The following DVL1 variants were observed in gnomAD, a reference collection of about 807,000 sequenced individuals.
DVL1 encodes the protein segment polarity protein dishevelled homolog DVL-1.
DVL1 carries 49 observed loss-of-function variants against 65.0 expected under a neutral mutation model. The observed-to-expected ratio is 0.75, with a 90% CI of 0.60 to 0.96. DVL1 has a LOEUF of 0.96. Among genes scored for constraint, DVL1 ranks in the 40% least tolerant of loss-of-function variants. The probability of loss-of-function intolerance (pLI) is 0.00; values close to 1 mark genes in which losing one functional copy is unlikely to be tolerated. For missense variants in DVL1, 1,197 were observed against 1,045.4 expected, an observed-to-expected ratio of 1.15 and a Z score of -2.00; for synonymous variants, 608 against 433.9, an observed-to-expected ratio of 1.40 and a Z score of -4.99.
At chr1:1,336,583 C>A in intron 14 of DVL1, 68 bp from the exon 15 acceptor site, 3 of 1,462,902 alleles carry the variant, frequency 2.1e-6, no homozygotes, top group Non-Finnish European at 2.7e-6. Flanking sequence ...AGAACAACCG[C>A]CCCCGCCAGG....
At position 1,338,416 on chromosome 1, in the gene DVL1, G is replaced by GC; in HGVS notation, c.1359dup (p.Leu454AlafsTer106). ...TTGAAGCCCTCCACGTGTGTGTACA[G>GC]CCAGTCCACCACGTCCGCCCCTGGC... On this transcript the variant is annotated frameshift_variant, in exon 13 of 15. Transcript: ENST00000378888. LOFTEE classifies it high-confidence loss of function. 1 of 1,611,998 alleles carries GC rather than the reference G, an allele frequency of 6.2e-7. No individual in the cohort carries two copies. Among genetic ancestry groups the GC allele is most frequent in the Non-Finnish European group, 8.5e-7 (1 of 1,179,402 alleles).
In DVL1 at chr1:1,341,605, T is replaced by C. The variant is rs1051056095; in HGVS notation, c.605+62A>G. The C allele has an allele frequency of 1.3e-5, 18 of 1,402,572 alleles. No homozygotes were observed. In the African/African-American group the frequency reaches 2.6e-4, roughly 21 times the overall value. 86.9% of individuals were successfully genotyped at this position (1,402,572 alleles called of 1,614,324 possible). On this transcript the variant is annotated intron_variant, in intron 5 of 14. Transcript: ENST00000378888. ...AACACCTCATGCAGACACATGCACA[T>C]CATGTACAGACATTTGCAAGTGGGC...
intron 2 of DVL1, 33 bp downstream of exon 2, chr1:1,342,656 G>A (rs768171989): frequency 5.6e-6 from 9 of 1,610,482 alleles, no homozygotes; most frequent in Middle Eastern, 1.7e-4. Flanking sequence ...TGCTCCCCAG[G>A]CGAGCCTTCG....
chr1:1,349,205 C>G lies in DVL1; in HGVS notation c.-140G>C. On this transcript the variant is annotated 5_prime_UTR_variant, in exon 1 of 15. Coordinates refer to ENST00000378888, the MANE Select transcript of DVL1 (RefSeq NM_001330311.2). This position sits in a 1 kb window ranked among gnomAD's most constrained non-coding sequence, Gnocchi z 4.1. ...ACGCTCCGAGGCCCCCGGGCGCCCC[C>G]GCCCGACCGCCCAGGCCCCGGCCGC... 2.6e-6 allele frequency: 1 copy of G among 381,966 alleles called. No homozygotes were observed. Among genetic ancestry groups the G allele is most frequent in the Non-Finnish European group, 3.6e-6 (1 of 281,644 alleles). The allele number at this position is 381,966 out of a possible 1,614,324, so 23.7% of individuals were successfully genotyped here. A position where few individuals can be genotyped will look rare whatever the true frequency, so the allele number is the denominator to read the frequency against.
intron 5 of DVL1, among the ~76,000 whole-genome samples, chr1:1,340,747 C>A (rs1396451785): frequency 7.4e-6 from 1 of 134,340 alleles, no homozygotes; most frequent in Non-Finnish European, 1.5e-5. Flanking sequence ...GACACACCTG[C>A]ACACATGCAC....
chr1:1,348,660 G>A (rs1423229234), intron 1 of DVL1, among the ~76,000 whole-genome samples: 3 of 152,164 alleles, frequency 2.0e-5, no homozygotes, highest in Non-Finnish European at 4.4e-5. Context: ...CTCGGGGCCG[G>A]GAAGCTGGGG....
At chr1:1,341,972 G>A in intron 4 of DVL1, 81 bp downstream of exon 4, 1 of 1,462,600 alleles carries the variant, frequency 6.8e-7, no homozygotes, top group East Asian at 2.5e-5. Flanking sequence ...TGGGGGACAG[G>A]AACTGCTGTA....
At chr1:1,337,945 C>T in intron 14 of DVL1, 32 bp downstream of exon 14, 2 of 1,580,902 alleles carry the variant, frequency 1.3e-6, no homozygotes, top group South Asian at 2.2e-5. Flanking sequence ...GGGGCGGAGC[C>T]GGGGAAGGGC....
In DVL1 at chr1:1,336,367, G is replaced by T. The variant is rs368143616; in HGVS notation, c.1863C>A (p.Ala621=). 1.9e-5 allele frequency: 30 copies of T among 1,597,050 alleles called. No individual in the cohort carries two copies. Among genetic ancestry groups the T allele is most frequent in the Non-Finnish European group, 2.2e-5 (26 of 1,178,068 alleles). Residue 621 remains alanine (A), a synonymous_variant, in exon 15 of 15, where the codon GCC becomes GCA. Transcript: ENST00000378888. ...GGCTGCTGCCACGGCTGAGCTGGCC[G>T]GCCGGACGCTCTCGCCAGCTGCTCC... ...GVGSSWRERP[A]GQLSRGSSPR...
intron 7 of DVL1, 28 bp from the exon 8 acceptor site, chr1:1,340,205 A>C (rs751586713): frequency 1.9e-6 from 3 of 1,613,512 alleles, no homozygotes; most frequent in African/African-American, 1.3e-5. Context: ...AGCCGCGGCC[A>C]AGCCCCTGCC....
chr1:1,339,714 C>T, intron 9 of DVL1, 22 bp downstream of exon 9: 1 of 1,613,048 alleles, frequency 6.2e-7, no homozygotes, highest in Non-Finnish European at 8.5e-7. Flanking sequence ...GCCCCTCCCG[C>T]TCCAGCGCCC....
At chr1:1,338,229 T>TTGCCCCCCCCCCC in intron 13 of DVL1, 40 bp downstream of exon 13, 3 of 1,522,370 alleles carry the variant, frequency 2.0e-6, no homozygotes, top group Non-Finnish European at 2.7e-6. Context: ...CCTCCGGCGT[T>TTGCCCCCCCCCCC]CCCCTCCCCC....
rs779045494 is a variant in DVL1, at chr1:1,349,014, G to C, written c.52C>G (p.Leu18Val). The change falls in exon 1 of 15, where the codon CTG (leucine) becomes GTG (valine). Residue 18 changes from leucine (L) to valine (V), a missense_variant. By Grantham distance (32) the Leu-to-Val change is conservative. Coordinates refer to ENST00000378888, the MANE Select transcript of DVL1 (RefSeq NM_001330311.2). The surrounding 1 kb of genome is among the most constrained non-coding windows in gnomAD (Gnocchi z 4.1). ...TCGGGGGCCACGGGCAGCTTGACCA[G>C]GTACGGCGTCTCCTCCTCGTCCATG... is the stretch of plus-strand genomic sequence containing the variant. ...YHMDEEETPY[L>V]VKLPVAPERV... The C allele has an allele frequency of 1.3e-6, 2 of 1,571,772 alleles. No individual in the cohort carries two copies. Among genetic ancestry groups the C allele is most frequent in the Non-Finnish European group, 1.7e-6 (2 of 1,156,608 alleles).
At position 1,338,622 on chromosome 1, in the gene DVL1, A is replaced by G. The variant is rs770046620; in HGVS notation, c.1239T>C (p.Ser413=). The part of the protein sequence containing the change: ...QLEEAPLTVK[S]DMSAVVRVMQ... The stretch of plus-strand genomic sequence containing the variant: ...TGACCCGGACGACGGCGCTCATGTC[A>G]CTCTTCACCGTCAGCGGCGCCTCTT... Residue 413 remains serine, a synonymous_variant, in exon 12 of 15, where the codon AGT becomes AGC. Coordinates refer to ENST00000378888, the MANE Select transcript of DVL1 (RefSeq NM_001330311.2). The G allele has an allele frequency of 5.6e-6, 9 of 1,611,226 alleles. No individual in the cohort carries two copies. In the East Asian group the frequency reaches 1.6e-4, roughly 28 times the overall value.
chr1:1,348,889 G>A lies in DVL1; in HGVS notation c.170+7C>T. On this transcript the variant is annotated splice_region_variant and intron_variant, in intron 1 of 14. Transcript: ENST00000378888. ...CCAGGCTCGCGCAGGCCTCGCGGCC[G>A]ACTGACCCGAAGTCCTGGTCCATGG... The A allele has an allele frequency of 2.6e-6, 4 of 1,535,910 alleles. No individual in the cohort carries two copies. The highest frequency in any genetic ancestry group is 1.8e-6 in the Non-Finnish European group (2 of 1,138,476).
At chr1:1,343,381 C>T (rs1643876874) in intron 1 of DVL1, among the ~76,000 whole-genome samples, 1 of 152,148 alleles carries the variant, frequency 6.6e-6, no homozygotes, top group South Asian at 2.1e-4. Flanking sequence ...TCCCTTGCCC[C>T]AGACCTCAGG....
intron 5 of DVL1, among the ~76,000 whole-genome samples, chr1:1,341,245 G>A (rs563588480): frequency 2.1e-4 from 32 of 151,222 alleles, no homozygotes; most frequent in East Asian, 8.0e-4. Context: ...CTGCGCACAC[G>A]CGTGCATTGT....
At position 1,339,383 on chromosome 1, in the gene DVL1, T is replaced by TCAGTGC; in HGVS notation, c.1105_1110dup (p.Ala369_Leu370dup). On this transcript the variant is annotated inframe_insertion, in exon 11 of 15. Transcript: ENST00000378888. ...GTACCGTAGCGGGGCAGGGCTCCTG[T>TCAGTGC]CAGTGCCGCCGTGTGGGACAGCCAG... 6.5e-7 allele frequency: 1 copy of TCAGTGC among 1,548,922 alleles called. No homozygotes were observed. Among genetic ancestry groups the TCAGTGC allele is most frequent in the Non-Finnish European group, 8.7e-7 (1 of 1,146,818 alleles).
intron 1 of DVL1, among the ~76,000 whole-genome samples, chr1:1,347,047 G>A (rs748400323): frequency 2.4e-4 from 37 of 152,174 alleles, no homozygotes; most frequent in Non-Finnish European, 5.3e-4. Flanking sequence ...TCCTCCGTAG[G>A]CTCCTGAGGC....
Sources: allele counts gnomAD v4.1 joint callset (sites outside exome capture counted in the v4.1 genomes callset), GRCh38; gene constraint gnomAD v4.1.1; non-coding constraint Gnocchi (gnomAD v3.1); transcripts MANE v1.5; gene names NCBI Gene and HGNC (gene_info 2026-07-23, HGNC 2026-07-21).